The following CPNE8 variants were observed in gnomAD, a reference collection of about 807,000 sequenced individuals.
CPNE8 encodes copine 8, also known as copine-8.
CPNE8 carries 45 observed loss-of-function variants against 81.5 expected under a neutral mutation model. The ratio of observed to expected loss-of-function variants is 0.55; its 90% CI spans 0.44 to 0.71. CPNE8 has a LOEUF of 0.71. Among genes scored for constraint, CPNE8 ranks in the 30% least tolerant of loss-of-function variants. The pLI is 0.00. For synonymous variants in CPNE8, 252 were observed against 226.3 expected, an observed-to-expected ratio of 1.11 and a Z score of -1.02; for missense variants, 594 against 672.1, an observed-to-expected ratio of 0.88 and a Z score of 1.28.
At chr12:38,819,855 C>T (rs1253287374) in intron 6 of CPNE8, among the ~76,000 whole-genome samples, 1 of 151,394 alleles carries the variant, frequency 6.6e-6, no homozygotes, top group Non-Finnish European at 1.5e-5. Flanking sequence ...TAACTCAGAC[C>T]AAGATAAGTG....
chr12:38,806,371 G>C (rs375553024), intron 6 of CPNE8, among the ~76,000 whole-genome samples: 1 of 148,924 alleles, frequency 6.7e-6, no homozygotes, highest in Non-Finnish European at 1.5e-5. Flanking sequence ...CTGGCAAACC[G>C]AATCCAGCAG....
chr12:38,797,922 T>A (rs1451217550), intron 6 of CPNE8, among the ~76,000 whole-genome samples: 1 of 152,062 alleles, frequency 6.6e-6, no homozygotes, highest in African/African-American at 2.4e-5. Context: ...CAGGAGCTGA[T>A]GTGATCAACT....
intron 19 of CPNE8, among the ~76,000 whole-genome samples, chr12:38,655,513 T>G (rs186700866): frequency 6.6e-6 from 1 of 152,314 alleles, no homozygotes; most frequent in Non-Finnish European, 1.5e-5. Context: ...TATAAAAATT[T>G]GAATTAAATC....
Position 38,795,161 on chromosome 12 carries a change from C to T in CPNE8, c.408-18860G>A, listed in dbSNP as rs193241480. Among the ~76,000 whole-genome samples, 83 of 152,326 alleles carry T rather than the reference C, an allele frequency of 5.4e-4. No individual in the cohort carries two copies. In the Middle Eastern group the frequency reaches 0.017, roughly 31 times the overall value. On this transcript the variant is annotated intron_variant, in intron 6 of 19. Coordinates refer to ENST00000331366, the MANE Select transcript of CPNE8 (RefSeq NM_153634.3). Reference sequence around the variant, plus strand: ...AGGTTTTGGGATTCAGACTGAGCTGCTACTAGCTTCCTTGCTCCTCAACCT... The same window carrying T: ...AGGTTTTGGGATTCAGACTGAGCTGTTACTAGCTTCCTTGCTCCTCAACCT...
chr12:38,776,403 G>A (rs1004664583), intron 6 of CPNE8, 102 bp from the exon 7 acceptor site: 1 of 313,712 alleles, frequency 3.2e-6, no homozygotes, highest in Non-Finnish European at 5.6e-6. Flanking sequence ...CTAATAAAGA[G>A]CATATAATAA....
intron 13 of CPNE8, among the ~76,000 whole-genome samples, chr12:38,715,189 A>C (rs1940356748): frequency 6.6e-6 from 1 of 152,148 alleles, no homozygotes; most frequent in African/African-American, 2.4e-5. Flanking sequence ...TGAACAGTTC[A>C]CAACAGTTGC....
chr12:38,789,692 C>T (rs11169535), intron 6 of CPNE8, among the ~76,000 whole-genome samples: 49,698 of 151,630 alleles, frequency 0.33, 9,805 homozygotes, highest in Non-Finnish European at 0.44. Context: ...TTGCAAACCA[C>T]CCATCTGACA....
At chr12:38,671,375 A>C (rs1202581812) in intron 18 of CPNE8, among the ~76,000 whole-genome samples, 1 of 152,134 alleles carries the variant, frequency 6.6e-6, no homozygotes, top group Non-Finnish European at 1.5e-5. Context: ...TGATTGGATA[A>C]AGTATGATTT....
At chr12:38,747,096 C>A (rs1158962482) in intron 10 of CPNE8, among the ~76,000 whole-genome samples, 1 of 152,188 alleles carries the variant, frequency 6.6e-6, no homozygotes, top group Admixed American at 6.5e-5. Context: ...AGCAACCAGA[C>A]TTTCTCAATT....
At chr12:38,894,194 T>A (rs536296894) in intron 1 of CPNE8, among the ~76,000 whole-genome samples, 1 of 152,298 alleles carries the variant, frequency 6.6e-6, no homozygotes, top group South Asian at 2.1e-4. Flanking sequence ...TGCTGAAGTG[T>A]TCCACAAGGA....
chr12:38,892,632 G>A (rs1388138100), intron 1 of CPNE8, among the ~76,000 whole-genome samples: 1 of 152,158 alleles, frequency 6.6e-6, no homozygotes, highest in Non-Finnish European at 1.5e-5. Flanking sequence ...TCACAGTGTT[G>A]GCTTATTTCA....
At chr12:38,819,247 T>C (rs567526100) in intron 6 of CPNE8, among the ~76,000 whole-genome samples, 1 of 152,316 alleles carries the variant, frequency 6.6e-6, no homozygotes, top group South Asian at 2.1e-4. Flanking sequence ...GGTTTTATTC[T>C]AGGGTTTTTA....
At chr12:38,750,667 A>C (rs1941337609) in intron 10 of CPNE8, among the ~76,000 whole-genome samples, 1 of 152,180 alleles carries the variant, frequency 6.6e-6, no homozygotes, top group Non-Finnish European at 1.5e-5. Context: ...GAATAGCTGT[A>C]TTTATCCAAT....
At chr12:38,832,008 C>G (rs778189233) in intron 5 of CPNE8, among the ~76,000 whole-genome samples, 14 of 152,124 alleles carry the variant, frequency 9.2e-5, no homozygotes, top group Non-Finnish European at 1.9e-4. Flanking sequence ...TGGAGACACA[C>G]TAACAAATAC....
intron 6 of CPNE8, among the ~76,000 whole-genome samples, chr12:38,784,955 G>C (rs553638098): frequency 3.9e-5 from 6 of 152,224 alleles, no homozygotes; most frequent in African/African-American, 1.4e-4. Flanking sequence ...AGCACTTTGG[G>C]AGGCTGAGGT....
rs900446572 is a variant in CPNE8, at chr12:38,676,995, TA to T, written c.1374+456del. Among the ~76,000 whole-genome samples, 407 of 50,570 alleles carry T rather than the reference TA, an allele frequency of 8.0e-3. 2 individuals carry two copies. The highest frequency in any genetic ancestry group is 0.011 in the African/African-American group (364 of 33,462). The allele number at this position is 50,570 out of a possible 152,430, so 33.2% of individuals were successfully genotyped here. ...AGATTAGTAAACAATCAAATAACCCTAAAAAAAAAACATACAATTAGGAATT... is the reference window on the plus strand; with the variant it reads ...AGATTAGTAAACAATCAAATAACCCTAAAAAAAAACATACAATTAGGAATT... On this transcript the variant is annotated intron_variant, in intron 17 of 19. Transcript: ENST00000331366.
At chr12:38,895,822 T>C (rs1944381189) in intron 1 of CPNE8, among the ~76,000 whole-genome samples, 1 of 152,100 alleles carries the variant, frequency 6.6e-6, no homozygotes, top group South Asian at 2.1e-4. Context: ...AATAAAGAAT[T>C]TATGGAAGAA....
intron 6 of CPNE8, among the ~76,000 whole-genome samples, chr12:38,825,618 G>A (rs1943176206): frequency 6.6e-6 from 1 of 152,172 alleles, no homozygotes; most frequent in African/African-American, 2.4e-5. Flanking sequence ...TATTTGCATA[G>A]AAGCTGTATC....
rs1444932251 is a variant in CPNE8, at chr12:38,653,625, A to AAAAAAAAAAAG, written c.*256_*257insCTTTTTTTTTT. On this transcript the variant is annotated 3_prime_UTR_variant, in exon 20 of 20. Transcript: ENST00000331366. The stretch of plus-strand genomic sequence containing the variant: ...AAATTAGCTGTTTCTGTTAAAAAAA[A>AAAAAAAAAAAG]AAAGAAAGAAAGATTTAGAGAAGAC... 20 of 290,706 alleles carry AAAAAAAAAAAG rather than the reference A, an allele frequency of 6.9e-5. No individual in the cohort carries two copies. The highest frequency in any genetic ancestry group is 5.9e-4 in the East Asian group (11 of 18,654). 18.0% of individuals were successfully genotyped at this position (290,706 alleles called of 1,614,324 possible).
Sources: allele counts gnomAD v4.1 joint callset (sites outside exome capture counted in the v4.1 genomes callset), GRCh38; gene constraint gnomAD v4.1.1; transcripts MANE v1.5; gene names NCBI Gene and HGNC (gene_info 2026-07-23, HGNC 2026-07-21).